Variants in TP63 observed in about 807,000 individuals in gnomAD.
The protein encoded by TP63 is tumor protein p63.
A neutral mutation model predicts 82.8 loss-of-function variants in TP63; 17 were observed. That is an observed-to-expected ratio of 0.21 (90% CI 0.14 to 0.31). TP63 has a LOEUF of 0.31. TP63 is among the 10% of genes least tolerant of loss of function. The pLI is 1.00. For synonymous variants in TP63, 330 were observed against 321.7 expected, an observed-to-expected ratio of 1.03 and a Z score of -0.28; for missense variants, 648 against 895.3, an observed-to-expected ratio of 0.72 and a Z score of 3.52.
intron 1 of TP63, among the ~76,000 whole-genome samples, chr3:189,668,309 A>G (rs563049907): frequency 6.6e-6 from 1 of 152,278 alleles, no homozygotes; most frequent in South Asian, 2.1e-4. Context: ...AAATAAATAA[A>G]AACAGATTTT....
At chr3:189,662,785 G>T (rs1429283309) in intron 1 of TP63, among the ~76,000 whole-genome samples, 1 of 151,972 alleles carries the variant, frequency 6.6e-6, no homozygotes, top group South Asian at 2.1e-4. Flanking sequence ...GGGATGAAGA[G>T]AACATGTTCT....
At chr3:189,729,621 AT>A (rs1187948997) in intron 1 of TP63, among the ~76,000 whole-genome samples, 1 of 152,156 alleles carries the variant, frequency 6.6e-6, no homozygotes, top group African/African-American at 2.4e-5. Flanking sequence ...AATGAATTTT[AT>A]TTTTTGAAGT....
chr3:189,764,703 A>T (rs1228703045), intron 3 of TP63, among the ~76,000 whole-genome samples: 2 of 152,202 alleles, frequency 1.3e-5, no homozygotes, highest in Non-Finnish European at 2.9e-5. Context: ...CATTGTGTTT[A>T]CTTATCATCC....
At chr3:189,757,092 A>C (rs1052147210) in intron 3 of TP63, among the ~76,000 whole-genome samples, 33 of 152,326 alleles carry the variant, frequency 2.2e-4, no homozygotes, top group African/African-American at 7.5e-4. Flanking sequence ...AAAACGTGAA[A>C]AATTCTACAA....
chr3:189,821,964 A>G (rs1284877061), intron 4 of TP63, among the ~76,000 whole-genome samples: 1 of 152,216 alleles, frequency 6.6e-6, no homozygotes, highest in Non-Finnish European at 1.5e-5. Flanking sequence ...CTAAAGGACA[A>G]ATAGTGCCTA....
chr3:189,780,537 C>A (rs1370074932), intron 3 of TP63, among the ~76,000 whole-genome samples: 3 of 152,196 alleles, frequency 2.0e-5, no homozygotes, highest in Non-Finnish European at 4.4e-5. Context: ...ATGTACACTT[C>A]ACTCTCTCCT....
At chr3:189,665,771 AG>A in intron 1 of TP63, among the ~76,000 whole-genome samples, 1 of 152,248 alleles carries the variant, frequency 6.6e-6, no homozygotes, top group East Asian at 1.9e-4. Context: ...TATAGATAAA[AG>A]TCAGCTAATT....
chr3:189,824,506 T>A (rs1344535962), intron 4 of TP63, among the ~76,000 whole-genome samples: 3 of 152,188 alleles, frequency 2.0e-5, no homozygotes, highest in Non-Finnish European at 2.9e-5. Context: ...GTGCTGGGAT[T>A]ACAGGAGTGA....
chr3:189,759,047 G>A (rs1034016616), intron 3 of TP63, among the ~76,000 whole-genome samples: 5 of 152,174 alleles, frequency 3.3e-5, no homozygotes, highest in South Asian at 2.1e-4. Context: ...GATTAAGAGC[G>A]TGGGCTTTGC....
At chr3:189,700,564 G>T (rs1417313519) in intron 1 of TP63, among the ~76,000 whole-genome samples, 4 of 152,220 alleles carry the variant, frequency 2.6e-5, no homozygotes, top group Admixed American at 2.6e-4. Flanking sequence ...TAGGTAGGTA[G>T]ATGGGTATCA....
At chr3:189,751,811 G>A (rs1470620182) in intron 3 of TP63, among the ~76,000 whole-genome samples, 1 of 152,104 alleles carries the variant, frequency 6.6e-6, no homozygotes, top group East Asian at 1.9e-4. Flanking sequence ...CTGTGCAGAA[G>A]CTCTTTAGTT....
At chr3:189,716,422 T>TC (rs66878463) in intron 1 of TP63, among the ~76,000 whole-genome samples, 140,848 of 151,988 alleles carry the variant, frequency 0.93, 65,633 homozygotes, top group South Asian at 0.98. Flanking sequence ...GTGCTGAATT[T>TC]AATTTTAAAA....
At chr3:189,637,835 A>G (rs2108612636) in intron 1 of TP63, among the ~76,000 whole-genome samples, 1 of 152,294 alleles carries the variant, frequency 6.6e-6, no homozygotes, top group South Asian at 2.1e-4. Flanking sequence ...AAGGCTGCTA[A>G]TCAACTGACT....
At chr3:189,791,715 T>G (rs1357609072) in intron 3 of TP63, among the ~76,000 whole-genome samples, 1 of 152,134 alleles carries the variant, frequency 6.6e-6, no homozygotes, top group African/African-American at 2.4e-5. Context: ...AGGTTATAAT[T>G]TCATGGCTTG....
chr3:189,880,810 G>T (rs549133686), intron 10 of TP63: 3 of 985,342 alleles, frequency 3.0e-6, no homozygotes, highest in Non-Finnish European at 3.6e-6. Flanking sequence ...TGCATTATTT[G>T]TGTCCTCCCC....
chr3:189,776,851 T>C (rs1314212079), intron 3 of TP63, among the ~76,000 whole-genome samples: 2 of 152,100 alleles, frequency 1.3e-5, no homozygotes, highest in African/African-American at 4.8e-5. Flanking sequence ...AGAAGAGAGG[T>C]TGATGTTGAT....
At chr3:189,858,712 G>A (rs367712650) in intron 4 of TP63, among the ~76,000 whole-genome samples, 49 of 152,308 alleles carry the variant, frequency 3.2e-4, no homozygotes, top group African/African-American at 1.1e-3. Context: ...CTGGGAGGTC[G>A]AGGATGCAGT....
At chr3:189,817,685 CAT>C (rs1051545461) in intron 4 of TP63, among the ~76,000 whole-genome samples, 1 of 151,808 alleles carries the variant, frequency 6.6e-6, no homozygotes, top group Non-Finnish European at 1.5e-5. Flanking sequence ...AATAAAATAA[CAT>C]AAATATATAA....
intron 1 of TP63, among the ~76,000 whole-genome samples, chr3:189,665,193 C>G (rs1714276393): frequency 6.6e-6 from 1 of 152,114 alleles, no homozygotes; most frequent in South Asian, 2.1e-4. Context: ...TGTTCAGTGA[C>G]ATAATTTTTG....
Sources: allele counts gnomAD v4.1 joint callset (sites outside exome capture counted in the v4.1 genomes callset), GRCh38; gene constraint gnomAD v4.1.1; transcripts MANE v1.5; gene names NCBI Gene and HGNC (gene_info 2026-07-23, HGNC 2026-07-21).